ANKS1B: variants seen among roughly 807,000 people sequenced by gnomAD.
The protein encoded by ANKS1B is ankyrin repeat and sterile alpha motif domain containing 1B.
ANKS1B carries 36 observed loss-of-function variants against 148.3 expected under a neutral mutation model. The ratio of observed to expected loss-of-function variants is 0.24; its 90% CI spans 0.19 to 0.32. The LOEUF (loss-of-function observed/expected upper bound fraction) is 0.32. Ranked by LOEUF, ANKS1B falls within the 10% of genes least tolerant of loss-of-function variation. ANKS1B has a pLI of 1.00. For missense variants in ANKS1B, 1,157 were observed against 1,542.6 expected, an observed-to-expected ratio of 0.75 and a Z score of 4.19; for synonymous variants, 542 against 560.8, an observed-to-expected ratio of 0.97 and a Z score of 0.47.
At chr12:98,922,302 G>A (rs2099802460) in intron 17 of ANKS1B, among the ~76,000 whole-genome samples, 1 of 151,906 alleles carries the variant, frequency 6.6e-6, no homozygotes, top group African/African-American at 2.4e-5. Context: ...CTGAATATAA[G>A]AGAGTCTACA....
chr12:99,234,040 C>T (rs1461020728), intron 14 of ANKS1B, among the ~76,000 whole-genome samples: 1 of 152,038 alleles, frequency 6.6e-6, no homozygotes, highest in East Asian at 1.9e-4. Flanking sequence ...AGATTTTATT[C>T]TCCCAATTGT....
In ANKS1B at chr12:99,531,176, C is replaced by A. The variant is rs2096986036; in HGVS notation, c.1273-26535G>T. Reference sequence around the variant, plus strand: ...TGAACCTAAAAACAACAGTAATATTCTGTTTGATATTAAATCAGTATCTCA... The same window carrying A: ...TGAACCTAAAAACAACAGTAATATTATGTTTGATATTAAATCAGTATCTCA... On this transcript the variant is annotated intron_variant, in intron 9 of 26. Coordinates refer to ENST00000683438, the MANE Select transcript of ANKS1B (RefSeq NM_001352186.2). Among the ~76,000 whole-genome samples, 3 of 152,186 alleles carry A rather than the reference C, an allele frequency of 2.0e-5. No homozygotes were observed. In the South Asian group the frequency reaches 6.2e-4, roughly 32 times the overall value.
chr12:99,111,546 T>TC (rs2060293858), intron 15 of ANKS1B, among the ~76,000 whole-genome samples: 1 of 152,052 alleles, frequency 6.6e-6, no homozygotes, highest in Non-Finnish European at 1.5e-5. Context: ...TTTTTTTTTT[T>TC]CATAGCCAAT....
chr12:98,922,645 T>C (rs900227403), intron 17 of ANKS1B, among the ~76,000 whole-genome samples: 1 of 152,012 alleles, frequency 6.6e-6, no homozygotes, highest in Admixed American at 6.6e-5. Context: ...ATTATAGGCA[T>C]GCACCACCAC....
At chr12:99,051,244 A>G (rs1323698379) in intron 17 of ANKS1B, among the ~76,000 whole-genome samples, 1 of 152,252 alleles carries the variant, frequency 6.6e-6, no homozygotes, top group Non-Finnish European at 1.5e-5. Context: ...TGAGAGACAT[A>G]GAGCCTCACA....
intron 25 of ANKS1B, among the ~76,000 whole-genome samples, chr12:98,752,710 C>T (rs1386143179): frequency 6.6e-6 from 1 of 152,182 alleles, no homozygotes. Context: ...GGAGCCCACA[C>T]CATTCAAAGC....
chr12:99,964,062 A>AT (rs1247782111), intron 1 of ANKS1B, among the ~76,000 whole-genome samples: 3 of 152,184 alleles, frequency 2.0e-5, no homozygotes, highest in African/African-American at 4.8e-5. Context: ...ACAGCAAAAA[A>AT]ATATATAAAG....
chr12:98,783,004 G>A (rs1420287539), intron 22 of ANKS1B, among the ~76,000 whole-genome samples: 1 of 151,134 alleles, frequency 6.6e-6, no homozygotes, highest in Non-Finnish European at 1.5e-5. Context: ...GGAGGGCTGG[G>A]GCAGCCCAGG....
chr12:99,138,889 T>C (rs1171812808), intron 15 of ANKS1B, among the ~76,000 whole-genome samples: 15 of 152,094 alleles, frequency 9.9e-5, no homozygotes, highest in Admixed American at 9.8e-4. Context: ...CTCCATCATA[T>C]TCAGCTTGCT....
chr12:98,847,783 AG>A (rs968172454), intron 17 of ANKS1B, among the ~76,000 whole-genome samples: 1 of 151,902 alleles, frequency 6.6e-6, no homozygotes. Context: ...TTTAGTAGAG[AG>A]GGGGTTTTGT....
chr12:99,067,665 T>C (rs1237291186), intron 16 of ANKS1B, among the ~76,000 whole-genome samples: 1 of 152,208 alleles, frequency 6.6e-6, no homozygotes, highest in Non-Finnish European at 1.5e-5. Context: ...GCCTAGAATA[T>C]GCAGAGAAGT....
chr12:99,565,320 G>A lies in ANKS1B; in HGVS notation c.1273-60679C>T, dbSNP rs11833806. Reference sequence around the variant, plus strand: ...GGCTCTTCATTGCAATCCATTAAGTGCAGCTCCTGGGGCACAAATCCTTCC... The same window carrying A: ...GGCTCTTCATTGCAATCCATTAAGTACAGCTCCTGGGGCACAAATCCTTCC... On this transcript the variant is annotated intron_variant, in intron 9 of 26. Transcript: ENST00000683438. Among the ~76,000 whole-genome samples the A allele has an allele frequency of 9.9e-3, 1,510 of 152,224 alleles. 33 individuals are homozygous for A. The highest frequency in any genetic ancestry group is 0.035 in the African/African-American group (1,443 of 41,540).
intron 17 of ANKS1B, among the ~76,000 whole-genome samples, chr12:98,860,481 T>C (rs564350138): frequency 6.6e-6 from 1 of 152,158 alleles, no homozygotes; most frequent in Middle Eastern, 3.4e-3. Flanking sequence ...TCATCCAAAA[T>C]ATGCACAAAA....
intron 9 of ANKS1B, among the ~76,000 whole-genome samples, chr12:99,644,725 A>C (rs1284754864): frequency 2.6e-5 from 4 of 152,230 alleles, no homozygotes; most frequent in Non-Finnish European, 5.9e-5. Flanking sequence ...TGCTTATAAC[A>C]ACACAAATTT....
intron 12 of ANKS1B, among the ~76,000 whole-genome samples, chr12:99,251,279 G>T (rs1025979880): frequency 6.6e-6 from 1 of 151,892 alleles, no homozygotes; most frequent in Non-Finnish European, 1.5e-5. Flanking sequence ...TAATCTATAG[G>T]GTTTCATTTT....
intron 1 of ANKS1B, among the ~76,000 whole-genome samples, chr12:99,947,228 AG>A (rs2095087060): frequency 7.0e-6 from 1 of 142,190 alleles, no homozygotes; most frequent in Non-Finnish European, 1.5e-5. Context: ...AGCACTGGGG[AG>A]GGGGATACAG....
chr12:99,036,747 G>A (rs151263494), intron 17 of ANKS1B, among the ~76,000 whole-genome samples: 1 of 151,848 alleles, frequency 6.6e-6, no homozygotes, highest in East Asian at 1.9e-4. Context: ...TGGGTCTGAA[G>A]GAAGGAAGAT....
intron 12 of ANKS1B, among the ~76,000 whole-genome samples, chr12:99,281,780 A>G (rs922472194): frequency 1.3e-5 from 2 of 152,224 alleles, no homozygotes; most frequent in African/African-American, 2.4e-5. Flanking sequence ...GTAGGCTGTC[A>G]TAGGTTTAAT....
chr12:99,820,724 A>G (rs543584738), intron 2 of ANKS1B, among the ~76,000 whole-genome samples: 1 of 152,180 alleles, frequency 6.6e-6, no homozygotes, highest in South Asian at 2.1e-4. Flanking sequence ...TAAAATTAGC[A>G]TTCCATGTAA....
Sources: allele counts gnomAD v4.1 joint callset (sites outside exome capture counted in the v4.1 genomes callset), GRCh38; gene constraint gnomAD v4.1.1; transcripts MANE v1.5; gene names NCBI Gene and HGNC (gene_info 2026-07-23, HGNC 2026-07-21).